The following MRPL16 variants were observed in gnomAD, a reference collection of about 807,000 sequenced individuals.
The protein encoded by MRPL16 is mitochondrial ribosomal protein L16.
Under a neutral mutation model 22.7 loss-of-function variants are expected in MRPL16, and 17 were observed. That is an observed-to-expected ratio of 0.75 (90% CI 0.51 to 1.12). The LOEUF (loss-of-function observed/expected upper bound fraction) is 1.12. MRPL16 is among the 50% of genes most tolerant of loss of function. The pLI, the probability that MRPL16 is intolerant of heterozygous loss-of-function variation, is 0.00. For missense variants in MRPL16, 316 were observed against 328.7 expected, an observed-to-expected ratio of 0.96 and a Z score of 0.30; for synonymous variants, 103 against 112.8, an observed-to-expected ratio of 0.91 and a Z score of 0.55.
In MRPL16 at chr11:59,806,478, T is replaced by C. The variant is rs1001936686; in HGVS notation, c.625A>G (p.Asn209Asp). The C allele has an allele frequency of 6.2e-7, 1 of 1,614,242 alleles. No homozygotes were observed. Among genetic ancestry groups the C allele is most frequent in the Non-Finnish European group, 8.5e-7 (1 of 1,180,044 alleles). ...CGCTCAAATGTCCAGGGGTTCTGGT[T>C]GTTACGTTCTCTTTCCTCTTGATCT... ...RKDQEERERN[N>D]QNPWTFERIA... The change falls in exon 4 of 4, where the codon AAC (asparagine) becomes GAC (aspartate). Residue 209 changes from asparagine to aspartate, a missense_variant. By Grantham distance (23) the Asn-to-Asp change is conservative. Coordinates refer to ENST00000300151, the MANE Select transcript of MRPL16 (RefSeq NM_017840.4).
At chr11:59,807,998 G>A in intron 2 of MRPL16, 149 bp from the exon 3 acceptor site, 1 of 887,856 alleles carries the variant, frequency 1.1e-6, no homozygotes, top group African/African-American at 1.7e-5. Flanking sequence ...TGCCCAGGTT[G>A]GTTTCAAACT....
intron 2 of MRPL16, 124 bp from the exon 3 acceptor site, chr11:59,807,973 A>G: frequency 1.7e-6 from 2 of 1,163,706 alleles, no homozygotes; most frequent in South Asian, 1.6e-5. Flanking sequence ...TGGTAGAGAC[A>G]GGGTCTCACT....
chr11:59,810,442 G>A (rs1292581806), intron 1 of MRPL16, 162 bp downstream of exon 1: 1 of 1,462,982 alleles, frequency 6.8e-7, no homozygotes, highest in Non-Finnish European at 9.0e-7. Context: ...TGACCCTCTT[G>A]CACGAACCCC....
rs12787462 is a variant in MRPL16 at position 59,806,507 on chromosome 11, C to T, written c.596G>A (p.Arg199Gln). 0.024 allele frequency: 38,019 copies of T among 1,614,204 alleles called. 492 individuals carry two copies. The highest frequency in any genetic ancestry group is 0.029 in the Non-Finnish European group (33,820 of 1,180,034). Residue 199 changes from arginine to glutamine, a missense_variant, in exon 4 of 4, where the codon CGA (arginine) becomes CAA (glutamine). Arg to Gln is a conservative substitution (Grantham distance 43, BLOSUM62 1). Coordinates refer to ENST00000300151, the MANE Select transcript of MRPL16 (RefSeq NM_017840.4). ...AVSRGTLEKM[R>Q]KDQEERERNN... The stretch of plus-strand genomic sequence containing the variant: ...ACGTTCTCTTTCCTCTTGATCTTTT[C>T]GCATCTTCTCTAGAGTCCCGCGGCT...
At chr11:59,807,617 A>G (rs1439188619) in intron 3 of MRPL16, 84 bp downstream of exon 3, 75 of 1,441,282 alleles carry the variant, frequency 5.2e-5, no homozygotes, top group Admixed American at 1.8e-4. Context: ...CTGTGGAGGA[A>G]GAGACTAAAT....
chr11:59,806,277 G>A lies in MRPL16; in HGVS notation c.*70C>T. On this transcript the variant is annotated 3_prime_UTR_variant, in exon 4 of 4. Transcript: ENST00000300151. ...AAGAGCTACCCAAAGACTTCAGTGG[G>A]TAGGCTGAGGGGAATAGAAATGCAG... 7.2e-6 allele frequency: 11 copies of A among 1,536,448 alleles called. 1 individual carries two copies. The South Asian group carries it at 1.3e-4, about 18-fold the overall frequency.
chr11:59,810,429 C>G, intron 1 of MRPL16, 175 bp downstream of exon 1: 1 of 1,436,176 alleles, frequency 7.0e-7, no homozygotes, highest in Non-Finnish European at 9.1e-7. Flanking sequence ...CCAGACGCAG[C>G]TGTGACCCTC....
chr11:59,808,531 GA>G (rs1269919460), intron 2 of MRPL16, among the ~76,000 whole-genome samples: 2 of 152,258 alleles, frequency 1.3e-5, no homozygotes, highest in East Asian at 3.9e-4. Context: ...TTTTATAGAA[GA>G]GGAACCCGAG....
At chr11:59,810,305 GC>G (rs1334797539) in intron 1 of MRPL16, 1 of 1,283,608 alleles carries the variant, frequency 7.8e-7, no homozygotes, top group Non-Finnish European at 9.8e-7. Flanking sequence ...CACCGCGCCC[GC>G]CCAAAAGTAC....
intron 1 of MRPL16, 31 bp downstream of exon 1, chr11:59,810,573 A>G (rs1187606164): frequency 6.2e-7 from 1 of 1,613,802 alleles, no homozygotes. Context: ...AAGAGGGGTA[A>G]AGTCTTTAGG....
In MRPL16 at chr11:59,806,930, C is replaced by T. The variant is rs148431353; in HGVS notation, c.271-98G>A. 668 of 1,457,272 alleles carry T rather than the reference C, an allele frequency of 4.6e-4. 13 individuals are homozygous for T. The East Asian group carries it at 0.015, about 33-fold the overall frequency. The allele number at this position is 1,457,272 out of a possible 1,614,324, so 90.3% of individuals were successfully genotyped here. A position where few individuals can be genotyped will look rare whatever the true frequency, so the allele number is the denominator to read the frequency against. On this transcript the variant is annotated intron_variant, in intron 3 of 3. Transcript: ENST00000300151. ...TCTAGTAACTGTGGCTTCAATGATA[C>T]AATTGAAAATAAAAATCTAAGTTCT... is the stretch of plus-strand genomic sequence containing the variant.
Position 59,806,347 on chromosome 11 carries a change from C to T in MRPL16, c.756G>A (p.Ter252=), listed in dbSNP as rs752231139. 4 of 1,613,786 alleles carry T rather than the reference C, an allele frequency of 2.5e-6. No individual in the cohort carries two copies. Among genetic ancestry groups the T allele is most frequent in the Non-Finnish European group, 3.4e-6 (4 of 1,179,800 alleles). The stretch of plus-strand genomic sequence containing the variant: ...TATATACAGTTATCTCCTACACTCA[C>T]TACACACGTTTGGGCATGTAGAACT... ...WGKFYMPKRV[*] is the part of the protein sequence containing the mutation. The change falls in exon 4 of 4, where the codon TAG becomes TAA. Residue 252 remains the stop codon, a stop_retained_variant. Transcript: ENST00000300151.
chr11:59,809,658 C>G, intron 2 of MRPL16, 197 bp downstream of exon 2: 1 of 594,534 alleles, frequency 1.7e-6, no homozygotes, highest in Non-Finnish European at 2.9e-6. Context: ...GAGCAAGGAA[C>G]TTTTTTGGTT....
chr11:59,810,025 A>G, intron 1 of MRPL16, 105 bp from the exon 2 acceptor site: 6 of 981,216 alleles, frequency 6.1e-6, no homozygotes, highest in Non-Finnish European at 8.8e-6. Flanking sequence ...TATTTTTTTG[A>G]GACGGAGTCT....
In MRPL16 at chr11:59,806,171, A is replaced by C; in HGVS notation, c.*176T>G. The C allele has an allele frequency of 1.5e-6, 1 of 663,516 alleles. No individual in the cohort carries two copies. Among genetic ancestry groups the C allele is most frequent in the Non-Finnish European group, 2.4e-6 (1 of 408,852 alleles). The allele number at this position is 663,516 out of a possible 1,614,324, so 41.1% of individuals were successfully genotyped here. ...AGTGATGTTTAAATTTTATTTAATA[A>C]AAATACAGTTTTCTTTTTAAATCAA... is the stretch of plus-strand genomic sequence containing the variant. On this transcript the variant is annotated 3_prime_UTR_variant, in exon 4 of 4. Transcript: ENST00000300151.
intron 2 of MRPL16, 145 bp downstream of exon 2, chr11:59,809,710 T>C (rs1467053526): frequency 1.1e-5 from 9 of 794,486 alleles, no homozygotes; most frequent in Admixed American, 2.9e-5. Context: ...GAATATTAGT[T>C]GGCAAAACTG....
chr11:59,807,872 G>A, intron 2 of MRPL16, 23 bp from the exon 3 acceptor site: 19 of 1,584,084 alleles, frequency 1.2e-5, no homozygotes, highest in Non-Finnish European at 1.6e-5. Flanking sequence ...CAGACAACCA[G>A]GATAAAGTAA....
chr11:59,809,636 G>C (rs1866152761), intron 2 of MRPL16: 2 of 525,414 alleles, frequency 3.8e-6, no homozygotes, highest in Non-Finnish European at 3.3e-6. Context: ...CTCATTAGAC[G>C]CTGCTCCGTA....
rs778460167 is a variant in MRPL16, at chr11:59,807,820, T to C, written c.151A>G (p.Arg51Gly). ...DVSIPEKPKL[R>G]FIERAPLVPK... ...ACAAGTGGTGCCCTTTCAATAAATCTAAGCTTGGGTTTTTCAGGAATGGAA... is the reference window on the plus strand; with the variant it reads ...ACAAGTGGTGCCCTTTCAATAAATCCAAGCTTGGGTTTTTCAGGAATGGAA... The change falls in exon 3 of 4, where the codon AGA becomes GGA. Residue 51 changes from arginine (R) to glycine (G), a missense_variant. Arg to Gly is a moderately radical substitution (Grantham distance 125). Coordinates refer to ENST00000300151, the MANE Select transcript of MRPL16 (RefSeq NM_017840.4). 29 of 1,610,250 alleles carry C rather than the reference T, an allele frequency of 1.8e-5. No individual in the cohort carries two copies. In the South Asian group the frequency reaches 3.2e-4, roughly 18 times the overall value.
Sources: allele counts gnomAD v4.1 joint callset (sites outside exome capture counted in the v4.1 genomes callset), GRCh38; gene constraint gnomAD v4.1.1; transcripts MANE v1.5; gene names NCBI Gene and HGNC (gene_info 2026-07-23, HGNC 2026-07-21).